COL4A1: variants seen among roughly 807,000 people sequenced by gnomAD.
COL4A1 encodes collagen type IV alpha 1 chain.
COL4A1 carries 40 observed loss-of-function variants against 216.6 expected under a neutral mutation model. That is an observed-to-expected ratio of 0.18 (90% confidence interval 0.14 to 0.24). The LOEUF is 0.24. Among genes scored for constraint, COL4A1 ranks in the 10% least tolerant of loss-of-function variants. COL4A1 has a pLI of 1.00. For missense variants in COL4A1, 1,628 were observed against 2,196.8 expected (o/e 0.74, Z 5.18); for synonymous variants, 839 against 810.7 (o/e 1.03, Z -0.59).
intron 2 of COL4A1, among the ~76,000 whole-genome samples, chr13:110,231,246 C>T (rs1193874581): frequency 6.6e-6 from 1 of 152,210 alleles, no homozygotes; most frequent in Non-Finnish European, 1.5e-5. Flanking sequence ...GTTTCACACT[C>T]ATGGAGATGT....
In COL4A1 at chr13:110,207,613, C is replaced by G; in HGVS notation, c.694-124G>C. 1.4e-6 allele frequency: 1 copy of G among 735,634 alleles called. No individual in the cohort carries two copies. The highest frequency in any genetic ancestry group is 1.8e-5 in the African/African-American group (1 of 56,664). 45.6% of individuals were successfully genotyped at this position (735,634 alleles called of 1,614,324 possible). A position where few individuals can be genotyped will look rare whatever the true frequency, so the allele number is the denominator to read the frequency against. On this transcript the variant is annotated intron_variant, in intron 12 of 51. Coordinates refer to ENST00000375820, the MANE Select transcript of COL4A1 (RefSeq NM_001845.6). The surrounding 1 kb of genome is among the most constrained non-coding windows in gnomAD (Gnocchi z 4.4). The stretch of plus-strand genomic sequence containing the variant: ...TTTTAAAATGTAATTATACTCTATT[C>G]TGTTCTAATCATCCTTGCCTCTGCA...
intron 2 of COL4A1, among the ~76,000 whole-genome samples, chr13:110,235,608 G>A (rs1042048137): frequency 6.7e-6 from 1 of 150,046 alleles, no homozygotes; most frequent in African/African-American, 2.5e-5. Context: ...GCAGTGAGCT[G>A]AGATGACGCC....
intron 2 of COL4A1, among the ~76,000 whole-genome samples, chr13:110,227,565 G>A (rs1193674122): frequency 2.0e-5 from 3 of 152,108 alleles, no homozygotes; most frequent in African/African-American, 7.2e-5. Context: ...CACTCCCAGG[G>A]TCTGAGGTCT....
intron 49 of COL4A1, among the ~76,000 whole-genome samples, chr13:110,156,083 T>C (rs1876773444): frequency 6.6e-6 from 1 of 152,168 alleles, no homozygotes; most frequent in South Asian, 2.1e-4. Context: ...TAAAATATTG[T>C]TTAAAAAATA....
chr13:110,206,745 A>C (rs765935764), intron 14 of COL4A1, 30 bp from the exon 15 acceptor site: 37 of 1,612,838 alleles, frequency 2.3e-5, no homozygotes, highest in Admixed American at 5.0e-5. Flanking sequence ...AAAGAGATTT[A>C]TTCGTCTATT....
intron 1 of COL4A1, among the ~76,000 whole-genome samples, chr13:110,252,309 C>A (rs1027992443): frequency 1.3e-5 from 2 of 151,774 alleles, no homozygotes; most frequent in African/African-American, 4.8e-5. Context: ...GAGGTGTGAG[C>A]CACCACTCCC....
chr13:110,238,449 G>A (rs1035400563), intron 2 of COL4A1, among the ~76,000 whole-genome samples: 1 of 152,194 alleles, frequency 6.6e-6, no homozygotes, highest in Non-Finnish European at 1.5e-5. Flanking sequence ...TGTGACAGAA[G>A]AACCTAGTCT....
At chr13:110,168,082 C>T (rs1877428010) in intron 43 of COL4A1, among the ~76,000 whole-genome samples, 1 of 151,938 alleles carries the variant, frequency 6.6e-6, no homozygotes, top group Non-Finnish European at 1.5e-5. Flanking sequence ...TGCAGTGGCA[C>T]CATCTCGGCT....
rs376224472 is a variant in COL4A1 at position 110,163,413 on chromosome 13, T to C, written c.4249+50A>G. 3.9e-5 allele frequency: 61 copies of C among 1,546,408 alleles called. 1 individual carries two copies. The highest frequency in any genetic ancestry group is 2.1e-4 in the South Asian group (19 of 89,192). ...CCCATGCCTGGTTCTGCTCCTTCTA[T>C]CCCAAAGATCCTGGTCAAGGGTAAT... On this transcript the variant is annotated intron_variant, in intron 47 of 51. Coordinates refer to ENST00000375820, the MANE Select transcript of COL4A1 (RefSeq NM_001845.6).
At chr13:110,159,440 A>G (rs976321624) in intron 49 of COL4A1, among the ~76,000 whole-genome samples, 2 of 152,218 alleles carry the variant, frequency 1.3e-5, no homozygotes, top group African/African-American at 4.8e-5. Flanking sequence ...TACTATCAAA[A>G]ACGCAGAAAA....
chr13:110,261,156 T>C (rs549027243), intron 1 of COL4A1, among the ~76,000 whole-genome samples: 2 of 151,804 alleles, frequency 1.3e-5, no homozygotes, highest in East Asian at 3.9e-4. Flanking sequence ...ACAGCCCCAA[T>C]GTGGTCACAG....
intron 2 of COL4A1, among the ~76,000 whole-genome samples, chr13:110,219,885 T>G: frequency 1.2e-5 from 1 of 83,412 alleles, no homozygotes; most frequent in Non-Finnish European, 2.6e-5. Context: ...TATGTATATA[T>G]ATGTGTGTAT....
intron 1 of COL4A1, among the ~76,000 whole-genome samples, chr13:110,247,034 C>T (rs901378253): frequency 3.9e-5 from 6 of 152,200 alleles, no homozygotes; most frequent in African/African-American, 1.4e-4. Context: ...AACACAGGTA[C>T]CCCAGACCAA....
chr13:110,175,471 C>A, intron 36 of COL4A1, 114 bp from the exon 37 acceptor site: 1 of 1,530,342 alleles, frequency 6.5e-7, no homozygotes. Flanking sequence ...GAATCCCCCA[C>A]AACCAGCCAA....
At chr13:110,273,030 T>G (rs575693052) in intron 1 of COL4A1, among the ~76,000 whole-genome samples, 24 of 152,186 alleles carry the variant, frequency 1.6e-4, no homozygotes, top group African/African-American at 5.8e-4. Flanking sequence ...TGTGCACATG[T>G]GTGGTAAAAT....
chr13:110,220,878 T>C (rs1291957868), intron 2 of COL4A1, among the ~76,000 whole-genome samples: 1 of 152,236 alleles, frequency 6.6e-6, no homozygotes, highest in African/African-American at 2.4e-5. Flanking sequence ...TGGCCAAGCC[T>C]GGACTACAAC....
At position 110,149,591 on chromosome 13, in the gene COL4A1, TAAAAA is replaced by T. The variant is rs780463565; in HGVS notation, c.*767_*771del. The T allele has an allele frequency of 2.0e-5, 3 of 152,654 alleles. No homozygotes were observed. Among genetic ancestry groups the T allele is most frequent in the Non-Finnish European group, 4.4e-5 (3 of 68,038 alleles). 9.5% of individuals were successfully genotyped at this position (152,654 alleles called of 1,614,324 possible). On this transcript the variant is annotated 3_prime_UTR_variant, in exon 52 of 52. Coordinates refer to ENST00000375820, the MANE Select transcript of COL4A1 (RefSeq NM_001845.6). ...GTTTCACATTCAATATCCTAGTCTTTAAAAACCTATGTTAAAGGACAGCACAGTCT... is the reference window on the plus strand; with the variant it reads ...GTTTCACATTCAATATCCTAGTCTTTCCTATGTTAAAGGACAGCACAGTCT...
chr13:110,187,479 C>G (rs569058000), intron 24 of COL4A1, 150 bp from the exon 25 acceptor site: 21 of 878,618 alleles, frequency 2.4e-5, no homozygotes, highest in Non-Finnish European at 3.4e-5. Flanking sequence ...TAGATGCAAG[C>G]CAGGAGCTCT....
intron 45 of COL4A1, among the ~76,000 whole-genome samples, 160 bp from the exon 46 acceptor site, chr13:110,165,150 G>T (rs1340722180): frequency 6.6e-6 from 1 of 152,296 alleles, no homozygotes; most frequent in Non-Finnish European, 1.5e-5. Context: ...CACAAAACAT[G>T]TCCAATCTGC....
Sources: gnomAD v4.1 joint callset for allele counts (sites outside exome capture counted in the v4.1 genomes callset) on GRCh38, gnomAD v4.1.1 for gene constraint, Gnocchi (gnomAD v3.1) non-coding constraint, MANE v1.5 for transcripts, NCBI Gene and HGNC (gene_info 2026-07-23, HGNC 2026-07-21) for gene names.